SFMBT2: variants seen among roughly 807,000 people sequenced by gnomAD.
The protein encoded by SFMBT2 is scm-like with four MBT domains protein 2.
A neutral mutation model predicts 110.1 loss-of-function variants in SFMBT2; 38 were observed. That is an observed-to-expected ratio of 0.35 (90% confidence interval 0.27 to 0.45). The LOEUF (loss-of-function observed/expected upper bound fraction) is 0.45, where lower values mean the gene tolerates loss of function less well. Among genes scored for constraint, SFMBT2 ranks in the 20% least tolerant of loss-of-function variants. The pLI, the probability that SFMBT2 is intolerant of heterozygous loss-of-function variation, is 1.00. For missense variants in SFMBT2, 1,011 were observed against 1,094.9 expected (o/e 0.92, Z 1.08); for synonymous variants, 425 against 425.4 (o/e 1.00, Z 0.01).
At chr10:7,302,596 G>C (rs940842716) in intron 4 of SFMBT2, among the ~76,000 whole-genome samples, 4 of 152,188 alleles carry the variant, frequency 2.6e-5, no homozygotes, top group African/African-American at 9.7e-5. Context: ...CTTGATTCTT[G>C]TTTTTATGAG....
chr10:7,164,376 A>C, intron 20 of SFMBT2: 3 of 970,150 alleles, frequency 3.1e-6, no homozygotes, highest in Non-Finnish European at 3.7e-6. Flanking sequence ...ACACAGCAGG[A>C]GACTCTCTAA....
At chr10:7,194,102 C>T (rs1217276726) in intron 15 of SFMBT2, among the ~76,000 whole-genome samples, 3 of 152,150 alleles carry the variant, frequency 2.0e-5, no homozygotes, top group Admixed American at 6.5e-5. Flanking sequence ...ATGTGAGGGG[C>T]GGTCACCAGC....
intron 4 of SFMBT2, among the ~76,000 whole-genome samples, chr10:7,348,869 T>C (rs1844207411): frequency 6.6e-6 from 1 of 152,224 alleles, no homozygotes; most frequent in Non-Finnish European, 1.5e-5. Context: ...CCACGGTCAT[T>C]TCTGCAGCCT....
At chr10:7,202,961 C>T (rs544590143) in intron 12 of SFMBT2, 1 of 985,436 alleles carries the variant, frequency 1.0e-6, no homozygotes, top group Middle Eastern at 5.2e-4. Context: ...TCAACTAAAA[C>T]ATGTTATTCA....
At chr10:7,406,444 G>A (rs1408181693) in intron 1 of SFMBT2, among the ~76,000 whole-genome samples, 4 of 150,852 alleles carry the variant, frequency 2.7e-5, no homozygotes, top group Non-Finnish European at 4.4e-5. Flanking sequence ...TCAAATGTGG[G>A]AGTCCTTTGG....
chr10:7,359,952 A>C (rs968787021), intron 4 of SFMBT2, among the ~76,000 whole-genome samples: 6 of 152,258 alleles, frequency 3.9e-5, no homozygotes, highest in African/African-American at 1.4e-4. Context: ...TTAGCTTAAA[A>C]TCTACTTCAA....
chr10:7,398,124 T>A (rs1174713563), intron 1 of SFMBT2, among the ~76,000 whole-genome samples: 1 of 152,238 alleles, frequency 6.6e-6, no homozygotes, highest in African/African-American at 2.4e-5. Flanking sequence ...TTAAATCAGA[T>A]TCATGCCTCA....
At chr10:7,244,467 A>G (rs146032741) in intron 8 of SFMBT2, among the ~76,000 whole-genome samples, 1 of 152,200 alleles carries the variant, frequency 6.6e-6, no homozygotes, top group African/African-American at 2.4e-5. Flanking sequence ...TCTTTTTGTT[A>G]ACACAAGTAT....
At chr10:7,300,709 A>G (rs575419159) in intron 4 of SFMBT2, among the ~76,000 whole-genome samples, 2 of 152,354 alleles carry the variant, frequency 1.3e-5, no homozygotes, top group African/African-American at 4.8e-5. Context: ...CAGGCCCAGC[A>G]TCGTCTCTGG....
intron 16 of SFMBT2, among the ~76,000 whole-genome samples, chr10:7,188,350 T>C (rs562550073): frequency 5.6e-4 from 85 of 152,234 alleles, no homozygotes; most frequent in Non-Finnish European, 1.0e-3. Flanking sequence ...CTATTGGTCC[T>C]GAAACATACC....
chr10:7,247,666 A>C (rs1840660879), intron 8 of SFMBT2, among the ~76,000 whole-genome samples: 1 of 152,370 alleles, frequency 6.6e-6, no homozygotes, highest in Middle Eastern at 3.4e-3. Context: ...TCTTTAAGAA[A>C]AAGAAATTAA....
chr10:7,276,200 C>A (rs1841769839), intron 7 of SFMBT2, among the ~76,000 whole-genome samples: 1 of 152,174 alleles, frequency 6.6e-6, no homozygotes, highest in South Asian at 2.1e-4. Context: ...TGGTGGAAGG[C>A]CTGGTACTTA....
At chr10:7,317,079 C>A (rs1325918524) in intron 4 of SFMBT2, among the ~76,000 whole-genome samples, 1 of 152,094 alleles carries the variant, frequency 6.6e-6, no homozygotes, top group African/African-American at 2.4e-5. Flanking sequence ...CAGTTGCAGT[C>A]TTTGCAGGGC....
intron 15 of SFMBT2, among the ~76,000 whole-genome samples, chr10:7,194,101 G>A (rs1838693289): frequency 6.6e-6 from 1 of 152,158 alleles, no homozygotes; most frequent in South Asian, 2.1e-4. Flanking sequence ...CATGTGAGGG[G>A]CGGTCACCAG....
intron 16 of SFMBT2, chr10:7,176,546 G>GAA: frequency 1.0e-6 from 1 of 981,544 alleles, no homozygotes; most frequent in Non-Finnish European, 1.2e-6. Context: ...TTTCATTTTT[G>GAA]AAAAATGTGA....
In SFMBT2 at chr10:7,321,116, G is replaced by C. The variant is rs527627058; in HGVS notation, c.437-35162C>G. On this transcript the variant is annotated intron_variant, in intron 4 of 20. Coordinates refer to ENST00000397167, the MANE Select transcript of SFMBT2 (RefSeq NM_001387889.1). ...CTTTCTGCAAGGGAAGAGGAGGAAGGCTCTCAGTTAAAAAAGAAAAGGTGG... is the reference window on the plus strand; with the variant it reads ...CTTTCTGCAAGGGAAGAGGAGGAAGCCTCTCAGTTAAAAAAGAAAAGGTGG... Among the ~76,000 whole-genome samples, 440 of 151,990 alleles carry C rather than the reference G, an allele frequency of 2.9e-3. 1 individual carries two copies. The highest frequency in any genetic ancestry group is 6.9e-3 in the Middle Eastern group (2 of 290).
At chr10:7,233,270 G>A (rs538597574) in intron 9 of SFMBT2, among the ~76,000 whole-genome samples, 1 of 152,300 alleles carries the variant, frequency 6.6e-6, no homozygotes, top group African/African-American at 2.4e-5. Context: ...AAAAACCACT[G>A]TAGATGTCAA....
intron 1 of SFMBT2, among the ~76,000 whole-genome samples, chr10:7,393,789 C>A (rs1396130538): frequency 6.6e-6 from 1 of 152,228 alleles, no homozygotes; most frequent in South Asian, 2.1e-4. Context: ...CCCTCTGACC[C>A]CTAGACCTAG....
At chr10:7,401,553 A>G (rs1846083253) in intron 1 of SFMBT2, among the ~76,000 whole-genome samples, 2 of 152,222 alleles carry the variant, frequency 1.3e-5, no homozygotes, top group South Asian at 4.1e-4. Context: ...GTAATTGACA[A>G]AAGAAGGAGG....
Sources: gnomAD v4.1 joint callset for allele counts (sites outside exome capture counted in the v4.1 genomes callset) on GRCh38, gnomAD v4.1.1 for gene constraint, MANE v1.5 for transcripts, NCBI Gene and HGNC (gene_info 2026-07-23, HGNC 2026-07-21) for gene names.